Variants in TNPO1 observed in about 807,000 individuals in gnomAD.
TNPO1 encodes transportin-1.
TNPO1 carries 8 observed loss-of-function variants against 119.5 expected under a neutral mutation model. The observed-to-expected ratio is 0.07, with a 90% confidence interval of 0.04 to 0.12. The LOEUF is 0.12. Among genes scored for constraint, TNPO1 ranks in the 10% least tolerant of loss-of-function variants. The pLI is 1.00. For missense variants in TNPO1, 576 were observed against 1,089.8 expected, an observed-to-expected ratio of 0.53 and a Z score of 6.64; for synonymous variants, 362 against 363.0, an observed-to-expected ratio of 1.00 and a Z score of 0.03.
chr5:72,863,027 GTTTTTT>G (rs1033473669), intron 5 of TNPO1, among the ~76,000 whole-genome samples: 1 of 119,998 alleles, frequency 8.3e-6, no homozygotes, highest in Non-Finnish European at 1.7e-5. Context: ...TGTGTGTGTG[GTTTTTT>G]TTGTTGTTTT....
chr5:72,825,325 T>C (rs534566333), intron 1 of TNPO1, among the ~76,000 whole-genome samples: 1 of 152,288 alleles, frequency 6.6e-6, no homozygotes, highest in African/African-American at 2.4e-5. Flanking sequence ...TCCCAAACTG[T>C]TGAAATCCTA....
chr5:72,892,536 A>C (rs1227894123), intron 15 of TNPO1, among the ~76,000 whole-genome samples: 2 of 152,078 alleles, frequency 1.3e-5, no homozygotes, highest in African/African-American at 4.8e-5. Context: ...ATTATGGTTC[A>C]TTTTTTGTAT....
At position 72,890,037 on chromosome 5, in the gene TNPO1, T is replaced by G. The variant is rs532842723; in HGVS notation, c.1701+80T>G. The G allele has an allele frequency of 2.6e-4, 390 of 1,504,890 alleles. 1 individual carries two copies. The African/African-American group carries it at 5.1e-3, about 20-fold the overall frequency. The allele number at this position is 1,504,890 out of a possible 1,614,324, so 93.2% of individuals were successfully genotyped here. The stretch of plus-strand genomic sequence containing the variant: ...AATAGATTAGCATATATTTGGAAAT[T>G]AAGATGTTTTGGGAGATGTGAATAG... On this transcript the variant is annotated intron_variant, in intron 14 of 24. Coordinates refer to ENST00000337273, the MANE Select transcript of TNPO1 (RefSeq NM_002270.4).
intron 13 of TNPO1, among the ~76,000 whole-genome samples, chr5:72,889,265 C>G (rs927190008): frequency 3.9e-5 from 6 of 152,012 alleles, no homozygotes; most frequent in Non-Finnish European, 7.4e-5. Context: ...GTCATGTTGG[C>G]CAGGCTGGTC....
intron 18 of TNPO1, among the ~76,000 whole-genome samples, chr5:72,896,070 A>G (rs912575367): frequency 2.6e-5 from 4 of 152,136 alleles, no homozygotes; most frequent in Admixed American, 6.5e-5. Context: ...ATCAGAGCAC[A>G]AGAGTGAAAA....
intron 5 of TNPO1, among the ~76,000 whole-genome samples, chr5:72,863,050 G>C (rs569473074): frequency 6.7e-6 from 1 of 150,342 alleles, no homozygotes; most frequent in African/African-American, 2.5e-5. Flanking sequence ...TTTTTTTGGG[G>C]TTTTTTTGCC....
intron 1 of TNPO1, among the ~76,000 whole-genome samples, chr5:72,840,180 G>A (rs1178933571): frequency 6.6e-6 from 1 of 152,098 alleles, no homozygotes; most frequent in South Asian, 2.1e-4. Flanking sequence ...ACATGTTCGT[G>A]GGGTGGCAGA....
At chr5:72,867,126 G>C (rs1405882124) in intron 6 of TNPO1, among the ~76,000 whole-genome samples, 3 of 151,594 alleles carry the variant, frequency 2.0e-5, no homozygotes, top group Non-Finnish European at 4.4e-5. Flanking sequence ...AGGCTGCAGT[G>C]AGCCACTGTG....
intron 1 of TNPO1, among the ~76,000 whole-genome samples, chr5:72,833,138 A>G (rs1744550638): frequency 1.3e-5 from 2 of 152,184 alleles, no homozygotes; most frequent in Non-Finnish European, 2.9e-5. Flanking sequence ...TCTCTTAGAC[A>G]ATCCGAATTT....
Position 72,875,620 on chromosome 5 carries a change from C to T in TNPO1, c.684C>T (p.Leu228=), listed in dbSNP as rs374031979. The T allele has an allele frequency of 6.2e-7, 1 of 1,611,484 alleles. No homozygotes were observed. The change falls in exon 8 of 25, where the codon CTC becomes CTT. Residue 228 remains leucine, a synonymous_variant. Coordinates refer to ENST00000337273, the MANE Select transcript of TNPO1 (RefSeq NM_002270.4). ...MLHIDSFIEN[L]FALAGDEEPE... ...AATTATTTCTTGTGCAACAGAATCT[C>T]TTTGCATTAGCTGGTGATGAAGAAC...
At chr5:72,888,876 CTCTT>C (rs1748848754) in intron 13 of TNPO1, among the ~76,000 whole-genome samples, 1 of 152,222 alleles carries the variant, frequency 6.6e-6, no homozygotes, top group African/African-American at 2.4e-5. Flanking sequence ...TGGTGGCTGT[CTCTT>C]TATATCAAGC....
chr5:72,849,566 C>G (rs1051474289), intron 2 of TNPO1, among the ~76,000 whole-genome samples: 5 of 152,198 alleles, frequency 3.3e-5, no homozygotes, highest in Non-Finnish European at 7.3e-5. Context: ...GAGGGTTTCG[C>G]AGAAATACTG....
Position 72,865,732 on chromosome 5 carries a change from A to G in TNPO1, c.596+3A>G. The stretch of plus-strand genomic sequence containing the variant: ...AAGCATAGTAGTCCAAAAATAAGGT[A>G]CTTATATTGCCAGTACTAATTGATT... On this transcript the variant is annotated splice_donor_region_variant and intron_variant, in intron 6 of 24. Transcript: ENST00000337273. 1.9e-6 allele frequency: 3 copies of G among 1,612,706 alleles called. No individual in the cohort carries two copies. The highest frequency in any genetic ancestry group is 1.3e-5 in the African/African-American group (1 of 75,002).
intron 3 of TNPO1, among the ~76,000 whole-genome samples, chr5:72,854,319 G>T (rs180756633): frequency 6.6e-6 from 1 of 152,182 alleles, no homozygotes; most frequent in Non-Finnish European, 1.5e-5. Flanking sequence ...TTATAGTGCT[G>T]TGATGACCTG....
chr5:72,893,799 C>G, intron 18 of TNPO1, 96 bp downstream of exon 18: 1 of 1,138,794 alleles, frequency 8.8e-7, no homozygotes, highest in Non-Finnish European at 1.3e-6. Flanking sequence ...TGCATGGAAT[C>G]CCAACATTTA....
chr5:72,869,731 TATAATC>T (rs1342384953), intron 6 of TNPO1, among the ~76,000 whole-genome samples: 2 of 152,224 alleles, frequency 1.3e-5, no homozygotes, highest in African/African-American at 4.8e-5. Flanking sequence ...AATATTTTCT[TATAATC>T]TATAAGGAAG....
At chr5:72,858,780 T>C (rs1746194704) in intron 4 of TNPO1, among the ~76,000 whole-genome samples, 1 of 151,510 alleles carries the variant, frequency 6.6e-6, no homozygotes, top group Non-Finnish European at 1.5e-5. Context: ...GAGCTTGCAG[T>C]GAGCCAGGAT....
At chr5:72,843,607 AC>A (rs1398445866) in intron 1 of TNPO1, among the ~76,000 whole-genome samples, 37 of 149,168 alleles carry the variant, frequency 2.5e-4, no homozygotes, top group African/African-American at 6.4e-4. Context: ...AAAAAAAAAA[AC>A]AAACCCAAAA....
intron 1 of TNPO1, among the ~76,000 whole-genome samples, chr5:72,847,721 TAAGTC>T (rs1745194252): frequency 1.3e-5 from 2 of 152,280 alleles, no homozygotes; most frequent in Admixed American, 6.5e-5. Context: ...CAATTTTTTT[TAAGTC>T]AAGTTCTGCA....
Sources: allele counts gnomAD v4.1 joint callset (sites outside exome capture counted in the v4.1 genomes callset), GRCh38; gene constraint gnomAD v4.1.1; transcripts MANE v1.5; gene names NCBI Gene and HGNC (gene_info 2026-07-23, HGNC 2026-07-21).